The following MAGI1 variants were observed in gnomAD, a reference collection of about 807,000 sequenced individuals.
The protein encoded by MAGI1 is membrane associated guanylate kinase, WW and PDZ domain containing 1.
A neutral mutation model predicts 139.9 loss-of-function variants in MAGI1; 58 were observed. That is an observed-to-expected ratio of 0.41 (90% CI 0.34 to 0.52). MAGI1 has a LOEUF of 0.52. Ranked by LOEUF, MAGI1 falls within the 20% of genes least tolerant of loss-of-function variation. The pLI, the probability that MAGI1 is intolerant of heterozygous loss-of-function variation, is 0.12. For synonymous variants in MAGI1, 812 were observed against 737.9 expected (o/e 1.10, Z -1.63); for missense variants, 1,874 against 1,901.6 (o/e 0.99, Z 0.27).
chr3:65,674,729 C>A (rs139884101), intron 1 of MAGI1, among the ~76,000 whole-genome samples: 1 of 152,278 alleles, frequency 6.6e-6, no homozygotes, highest in Non-Finnish European at 1.5e-5. Context: ...GCCCACTATG[C>A]AACCCGCTGT....
At chr3:66,030,983 T>C (rs2068557436) in intron 1 of MAGI1, among the ~76,000 whole-genome samples, 1 of 152,212 alleles carries the variant, frequency 6.6e-6, no homozygotes, top group South Asian at 2.1e-4. Context: ...AGAGTCAATA[T>C]GATAGGACCA....
At chr3:65,371,033 C>T (rs937678872) in intron 18 of MAGI1, among the ~76,000 whole-genome samples, 3 of 152,204 alleles carry the variant, frequency 2.0e-5, no homozygotes, top group African/African-American at 4.8e-5. Context: ...TATGTCTTTA[C>T]TGACTTCAAA....
At chr3:65,620,575 T>C (rs767853602) in intron 2 of MAGI1, among the ~76,000 whole-genome samples, 1 of 152,196 alleles carries the variant, frequency 6.6e-6, no homozygotes, top group Non-Finnish European at 1.5e-5. Context: ...CCTACCTATG[T>C]GATTAGCATT....
intron 2 of MAGI1, among the ~76,000 whole-genome samples, chr3:65,541,959 T>TAGGAAAAGA (rs1418283055): frequency 6.6e-6 from 1 of 152,106 alleles, no homozygotes; most frequent in Non-Finnish European, 1.5e-5. Flanking sequence ...GGTATTCAAT[T>TAGGAAAAGA]AGGAAAAGAA....
chr3:65,804,135 ATGT>A (rs1394049383), intron 1 of MAGI1, among the ~76,000 whole-genome samples: 2 of 152,350 alleles, frequency 1.3e-5, no homozygotes, highest in Admixed American at 6.5e-5. Flanking sequence ...CATCTTACTG[ATGT>A]AGAAGAACAG....
intron 1 of MAGI1, among the ~76,000 whole-genome samples, chr3:65,838,394 T>A (rs535157627): frequency 6.6e-6 from 1 of 152,212 alleles, no homozygotes; most frequent in Admixed American, 6.5e-5. Context: ...CTTTAGTGCA[T>A]ACACACCTCT....
chr3:65,905,864 C>T (rs1308022869), intron 1 of MAGI1, among the ~76,000 whole-genome samples: 1 of 152,132 alleles, frequency 6.6e-6, no homozygotes, highest in African/African-American at 2.4e-5. Flanking sequence ...CAGGAATGCA[C>T]CACACAGATC....
At chr3:65,964,510 T>C (rs998147538) in intron 1 of MAGI1, among the ~76,000 whole-genome samples, 1 of 151,474 alleles carries the variant, frequency 6.6e-6, no homozygotes, top group African/African-American at 2.4e-5. Flanking sequence ...TATCCTTTTA[T>C]ACATCTTGGG....
chr3:65,393,266 CT>C (rs1944084216), intron 13 of MAGI1, among the ~76,000 whole-genome samples: 1 of 152,250 alleles, frequency 6.6e-6, no homozygotes, highest in South Asian at 2.1e-4. Context: ...TTTTCCCCCC[CT>C]CTTCAATGTG....
intron 1 of MAGI1, among the ~76,000 whole-genome samples, chr3:65,996,233 G>T (rs2066441112): frequency 1.3e-5 from 2 of 151,974 alleles, no homozygotes; most frequent in Non-Finnish European, 2.9e-5. Flanking sequence ...GAATGTTAAG[G>T]AGGATAAAAA....
At chr3:66,013,194 A>G (rs1433398070) in intron 1 of MAGI1, among the ~76,000 whole-genome samples, 2 of 151,278 alleles carry the variant, frequency 1.3e-5, no homozygotes, top group Non-Finnish European at 2.9e-5. Flanking sequence ...ACCTGAGGTC[A>G]GGAGTTTGAG....
intron 1 of MAGI1, among the ~76,000 whole-genome samples, chr3:66,031,421 T>C (rs894601105): frequency 1.3e-5 from 2 of 152,168 alleles, no homozygotes; most frequent in Non-Finnish European, 2.9e-5. Context: ...AATTCTGCCA[T>C]CTAAAACCAG....
At chr3:65,397,767 G>C (rs78759652) in intron 13 of MAGI1, among the ~76,000 whole-genome samples, 1 of 151,984 alleles carries the variant, frequency 6.6e-6, no homozygotes, top group Non-Finnish European at 1.5e-5. Flanking sequence ...CATTATGTGC[G>C]TACTTGCTTC....
At chr3:65,414,659 G>C (rs1022620680) in intron 12 of MAGI1, among the ~76,000 whole-genome samples, 1 of 152,034 alleles carries the variant, frequency 6.6e-6, no homozygotes, top group Non-Finnish European at 1.5e-5. Flanking sequence ...CTGAGCAATT[G>C]ATCCTAAGTT....
intron 1 of MAGI1, among the ~76,000 whole-genome samples, chr3:66,020,427 C>G (rs2067900696): frequency 6.6e-6 from 1 of 152,092 alleles, no homozygotes; most frequent in Non-Finnish European, 1.5e-5. Context: ...GAGACTCTAT[C>G]TCAAAAAGAA....
At chr3:65,684,839 C>A (rs1013897811) in intron 1 of MAGI1, among the ~76,000 whole-genome samples, 2 of 150,728 alleles carry the variant, frequency 1.3e-5, no homozygotes, top group Non-Finnish European at 2.9e-5. Context: ...GCATTTGAGA[C>A]CACAGGTGCA....
At chr3:66,012,623 G>C (rs983960100) in intron 1 of MAGI1, among the ~76,000 whole-genome samples, 1 of 151,944 alleles carries the variant, frequency 6.6e-6, no homozygotes, top group African/African-American at 2.4e-5. Flanking sequence ...AAAATTAGCT[G>C]GGTATGGTGG....
intron 1 of MAGI1, among the ~76,000 whole-genome samples, chr3:65,938,235 G>T (rs897144496): frequency 3.3e-5 from 5 of 150,128 alleles, no homozygotes; most frequent in African/African-American, 7.3e-5. Flanking sequence ...ATGTTACTTG[G>T]GGAAACAATT....
chr3:65,769,067 G>T (rs1406441850), intron 1 of MAGI1, among the ~76,000 whole-genome samples: 18 of 151,994 alleles, frequency 1.2e-4, no homozygotes, highest in Admixed American at 1.2e-3. Context: ...TGAAAAAAAA[G>T]AAATGCCTTT....
Sources: allele counts gnomAD v4.1 joint callset (sites outside exome capture counted in the v4.1 genomes callset), GRCh38; gene constraint gnomAD v4.1.1; transcripts MANE v1.5; gene names NCBI Gene and HGNC (gene_info 2026-07-23, HGNC 2026-07-21).